The following TBC1D5 variants were observed in gnomAD, a reference collection of about 807,000 sequenced individuals.
The protein encoded by TBC1D5 is TBC1 domain family member 5.
Under a neutral mutation model 100.3 loss-of-function variants are expected in TBC1D5, and 75 were observed. That is an observed-to-expected ratio of 0.75 (90% CI 0.62 to 0.91). The LOEUF (loss-of-function observed/expected upper bound fraction) is 0.91. Ranked by LOEUF, TBC1D5 falls within the 40% of genes least tolerant of loss-of-function variation. The pLI is 0.00. For missense variants in TBC1D5, 910 were observed against 942.4 expected (o/e 0.97, Z 0.45); for synonymous variants, 323 against 325.6 (o/e 0.99, Z 0.09).
chr3:17,357,236 G>C (rs1256691916), intron 13 of TBC1D5, among the ~76,000 whole-genome samples: 1 of 152,184 alleles, frequency 6.6e-6, no homozygotes, highest in African/African-American at 2.4e-5. Context: ...AGGTGGTGGA[G>C]GGGAGTCAGG....
intron 13 of TBC1D5, among the ~76,000 whole-genome samples, chr3:17,325,857 A>G (rs1022974017): frequency 2.6e-5 from 4 of 152,198 alleles, no homozygotes; most frequent in African/African-American, 9.6e-5. Context: ...CTGCCAAACT[A>G]TATTTCGATA....
At chr3:17,248,436 A>G (rs2076925107) in intron 16 of TBC1D5, among the ~76,000 whole-genome samples, 1 of 152,192 alleles carries the variant, frequency 6.6e-6, no homozygotes, top group Non-Finnish European at 1.5e-5. Context: ...AGAATGGTAA[A>G]TCCTTTCCAG....
chr3:17,364,810 A>G (rs1402360655), intron 13 of TBC1D5, among the ~76,000 whole-genome samples: 1 of 152,172 alleles, frequency 6.6e-6, no homozygotes, highest in East Asian at 1.9e-4. Context: ...GAGTCTTATT[A>G]ATAGCCAGGA....
At chr3:17,324,767 C>T (rs1174969979) in intron 13 of TBC1D5, among the ~76,000 whole-genome samples, 1 of 151,820 alleles carries the variant, frequency 6.6e-6, no homozygotes, top group African/African-American at 2.4e-5. Context: ...TAATAATGCC[C>T]CCATTTTAAA....
At chr3:17,267,028 A>G (rs1221428078) in intron 15 of TBC1D5, among the ~76,000 whole-genome samples, 1 of 152,142 alleles carries the variant, frequency 6.6e-6, no homozygotes, top group African/African-American at 2.4e-5. Context: ...CCAATTCCCT[A>G]AAGTGACATC....
chr3:17,256,171 C>T (rs2470586), intron 16 of TBC1D5, among the ~76,000 whole-genome samples: 91,704 of 151,846 alleles, frequency 0.6, 28,395 homozygotes, highest in East Asian at 0.98. Context: ...TTGGAATTTA[C>T]TTTTGTGTGT....
At chr3:17,700,135 G>C (rs959667260) in intron 1 of TBC1D5, 1 of 145,472 alleles carries the variant, frequency 6.9e-6, no homozygotes, top group African/African-American at 2.5e-5. Context: ...AACTGAAAGG[G>C]AACACTTGAA....
intron 2 of TBC1D5, among the ~76,000 whole-genome samples, chr3:17,551,199 G>A (rs2096469958): frequency 1.3e-5 from 2 of 152,046 alleles, no homozygotes; most frequent in South Asian, 2.1e-4. Flanking sequence ...ATGCTGATCG[G>A]TCATACAGCA....
chr3:17,593,097 C>A (rs1156688589), intron 2 of TBC1D5, among the ~76,000 whole-genome samples: 1 of 152,070 alleles, frequency 6.6e-6, no homozygotes, highest in African/African-American at 2.4e-5. Flanking sequence ...GCTCAAATGC[C>A]CATGTTCTCC....
intron 13 of TBC1D5, among the ~76,000 whole-genome samples, chr3:17,311,723 T>G (rs2084052435): frequency 6.6e-6 from 1 of 152,040 alleles, no homozygotes; most frequent in Non-Finnish European, 1.5e-5. Context: ...TAATGGCTCT[T>G]TAGTGAGATA....
intron 2 of TBC1D5, among the ~76,000 whole-genome samples, chr3:17,577,018 A>T (rs1427043904): frequency 6.6e-6 from 1 of 152,004 alleles, no homozygotes; most frequent in Admixed American, 6.6e-5. Context: ...TTTAAAGGGA[A>T]TTTTTTCTTG....
chr3:17,324,292 C>T (rs1374636918), intron 13 of TBC1D5, among the ~76,000 whole-genome samples: 1 of 152,160 alleles, frequency 6.6e-6, no homozygotes, highest in Admixed American at 6.5e-5. Context: ...ATAATAAAAA[C>T]TAATAAATTG....
At chr3:17,546,215 T>G (rs1560131423) in intron 2 of TBC1D5, among the ~76,000 whole-genome samples, 1 of 152,114 alleles carries the variant, frequency 6.6e-6, no homozygotes, top group Non-Finnish European at 1.5e-5. Flanking sequence ...AGCTGCCTCA[T>G]AAAAAACCCA....
At chr3:17,646,120 A>C (rs750046067) in intron 1 of TBC1D5, among the ~76,000 whole-genome samples, 3 of 152,096 alleles carry the variant, frequency 2.0e-5, no homozygotes, top group Non-Finnish European at 4.4e-5. Flanking sequence ...CTTTATAAGA[A>C]GGGTAAATTT....
chr3:17,655,610 A>G (rs1427382709), intron 1 of TBC1D5, among the ~76,000 whole-genome samples: 2 of 152,188 alleles, frequency 1.3e-5, no homozygotes, highest in Non-Finnish European at 2.9e-5. Context: ...TCTTCATTAA[A>G]CCTGCAATAG....
At chr3:17,704,818 G>A (rs1278688139) in intron 1 of TBC1D5, among the ~76,000 whole-genome samples, 356 of 63,078 alleles carry the variant, frequency 5.6e-3, no homozygotes, top group Non-Finnish European at 6.1e-3. Flanking sequence ...GGCTGGCCGG[G>A]CGGAGGGCTG....
chr3:17,558,503 A>T (rs981633868), intron 2 of TBC1D5, among the ~76,000 whole-genome samples: 1 of 152,204 alleles, frequency 6.6e-6, no homozygotes, highest in Non-Finnish European at 1.5e-5. Context: ...TTTCAATGTG[A>T]TCAAAAACTA....
At chr3:17,353,020 T>A (rs941932197) in intron 13 of TBC1D5, among the ~76,000 whole-genome samples, 1 of 152,076 alleles carries the variant, frequency 6.6e-6, no homozygotes, top group Admixed American at 6.6e-5. Context: ...TGAATTGAAA[T>A]TGCTATCTCA....
chr3:17,732,957 G>A (rs1264164977), intron 1 of TBC1D5, among the ~76,000 whole-genome samples: 1 of 152,086 alleles, frequency 6.6e-6, no homozygotes, highest in Non-Finnish European at 1.5e-5. Context: ...GGACATTAGG[G>A]AAACTGATCA....
Sources: allele counts gnomAD v4.1 joint callset (sites outside exome capture counted in the v4.1 genomes callset), GRCh38; gene constraint gnomAD v4.1.1; transcripts MANE v1.5; gene names NCBI Gene and HGNC (gene_info 2026-07-23, HGNC 2026-07-21).